EEFSEC: variants seen among roughly 807,000 people sequenced by gnomAD.
EEFSEC encodes selenocysteine-specific elongation factor.
A neutral mutation model predicts 42.1 loss-of-function variants in EEFSEC; 43 were observed. The ratio of observed to expected loss-of-function variants is 1.02; its 90% CI spans 0.80 to 1.32. EEFSEC has a LOEUF of 1.32. EEFSEC is among the 40% of genes most tolerant of loss of function. EEFSEC has a pLI of 0.00. For synonymous variants in EEFSEC, 354 were observed against 339.1 expected, an observed-to-expected ratio of 1.04 and a Z score of -0.48; for missense variants, 745 against 803.6, an observed-to-expected ratio of 0.93 and a Z score of 0.88.
intron 1 of EEFSEC, among the ~76,000 whole-genome samples, chr3:128,171,028 G>A (rs2065290484): frequency 6.6e-6 from 1 of 152,158 alleles, no homozygotes. Context: ...ACATCTCCCA[G>A]CCCTGGAGAC....
intron 1 of EEFSEC, among the ~76,000 whole-genome samples, chr3:128,220,783 G>C (rs145674070): frequency 6.6e-6 from 1 of 152,190 alleles, no homozygotes; most frequent in Non-Finnish European, 1.5e-5. Context: ...CAACAGACCC[G>C]GCTTCAAGCC....
chr3:128,154,058 TA>T (rs376181797), intron 1 of EEFSEC: 74,025 of 287,316 alleles, frequency 0.26, 2,267 homozygotes, highest in African/African-American at 0.28. Context: ...GCGCCTTCCT[TA>T]AAAAAAAAAA....
chr3:128,195,369 G>A (rs2065573682), intron 1 of EEFSEC, among the ~76,000 whole-genome samples: 1 of 152,190 alleles, frequency 6.6e-6, no homozygotes, highest in Non-Finnish European at 1.5e-5. Context: ...TGGCAATGGA[G>A]GGGGCAAGTT....
At chr3:128,154,488 C>T (rs1365142620) in intron 1 of EEFSEC, among the ~76,000 whole-genome samples, 2 of 151,160 alleles carry the variant, frequency 1.3e-5, no homozygotes, top group African/African-American at 2.4e-5. Flanking sequence ...CTTGTTCTGT[C>T]GCCCAGCCTG....
chr3:128,180,873 A>AG (rs2065398221), intron 1 of EEFSEC, among the ~76,000 whole-genome samples: 1 of 152,260 alleles, frequency 6.6e-6, no homozygotes, highest in Non-Finnish European at 1.5e-5. Flanking sequence ...ATTTAAAAAA[A>AG]GGGGGCTAAT....
chr3:128,273,170 G>T (rs1047786268), intron 4 of EEFSEC, among the ~76,000 whole-genome samples: 1 of 152,180 alleles, frequency 6.6e-6, no homozygotes, highest in African/African-American at 2.4e-5. Context: ...CTTGGGGTGG[G>T]GTGGTCTGAG....
At position 128,153,492 on chromosome 3, in the gene EEFSEC, AGGC is replaced by A. The variant is rs534678215; in HGVS notation, c.-3_-1del. On this transcript the variant is annotated 5_prime_UTR_variant, in exon 1 of 7. Coordinates refer to ENST00000254730, the MANE Select transcript of EEFSEC (RefSeq NM_021937.5). ...GAGGGGCGGGCCGGGCGGGTGTCCG[AGGC>A]GGCGGCGGCGGCATGGCAGGGCGGC... 5.1e-5 allele frequency: 75 copies of A among 1,475,862 alleles called. No individual in the cohort carries two copies. The highest frequency in any genetic ancestry group is 1.4e-4 in the East Asian group (5 of 35,812). 91.4% of individuals were successfully genotyped at this position (1,475,862 alleles called of 1,614,324 possible).
chr3:128,221,500 C>A (rs1352915700), intron 1 of EEFSEC, among the ~76,000 whole-genome samples: 1 of 152,182 alleles, frequency 6.6e-6, no homozygotes, highest in East Asian at 1.9e-4. Context: ...CAGATGCAGG[C>A]CTCATATCTT....
At chr3:128,374,171 C>T (rs941263973) in intron 6 of EEFSEC, among the ~76,000 whole-genome samples, 3 of 152,224 alleles carry the variant, frequency 2.0e-5, no homozygotes, top group Non-Finnish European at 4.4e-5. Context: ...TGAAGATGCA[C>T]CATCGGTGCC....
At chr3:128,312,896 G>C (rs2066905443) in intron 4 of EEFSEC, among the ~76,000 whole-genome samples, 1 of 152,206 alleles carries the variant, frequency 6.6e-6, no homozygotes, top group African/African-American at 2.4e-5. Flanking sequence ...TAAACTTCTA[G>C]AAAGAGATAG....
intron 4 of EEFSEC, among the ~76,000 whole-genome samples, chr3:128,329,789 C>A (rs1559923077): frequency 6.6e-6 from 1 of 152,230 alleles, no homozygotes. Context: ...GGGAGCCACA[C>A]ATAGGAGGGA....
At chr3:128,186,972 C>T (rs943148508) in intron 1 of EEFSEC, among the ~76,000 whole-genome samples, 1 of 152,166 alleles carries the variant, frequency 6.6e-6, no homozygotes, top group Middle Eastern at 3.2e-3. Context: ...ACCCTAGGGA[C>T]AGTGTCTGAG....
At chr3:128,347,050 G>T (rs754171606) in intron 5 of EEFSEC, among the ~76,000 whole-genome samples, 4 of 152,204 alleles carry the variant, frequency 2.6e-5, no homozygotes, top group African/African-American at 9.6e-5. Flanking sequence ...CGAGGAAAAT[G>T]CTAATAATTA....
chr3:128,410,197 T>C (rs59810826), downstream of EEFSEC, among the ~76,000 whole-genome samples: 40,782 of 152,124 alleles, frequency 0.27, 10,468 homozygotes, highest in African/African-American at 0.67. Context: ...AAGGACTCAC[T>C]TCTTAGGCGA....
chr3:128,399,026 G>A (rs1490831524), intron 6 of EEFSEC, among the ~76,000 whole-genome samples: 1 of 151,940 alleles, frequency 6.6e-6, no homozygotes, highest in Non-Finnish European at 1.5e-5. Flanking sequence ...GAGACTCAGG[G>A]CCAAGTCATT....
chr3:128,327,298 C>G (rs543379839), intron 4 of EEFSEC, among the ~76,000 whole-genome samples: 6 of 150,186 alleles, frequency 4.0e-5, no homozygotes, highest in Non-Finnish European at 8.9e-5. Flanking sequence ...CCATCCCCCC[C>G]CCCCCAAGGT....
intron 1 of EEFSEC, among the ~76,000 whole-genome samples, chr3:128,220,668 A>C (rs1011756603): frequency 1.3e-5 from 2 of 152,040 alleles, no homozygotes; most frequent in Non-Finnish European, 2.9e-5. Flanking sequence ...TAAGGCCCTG[A>C]CTATGTGCCT....
chr3:128,319,032 TC>T (rs968795458), intron 4 of EEFSEC, among the ~76,000 whole-genome samples: 2 of 152,226 alleles, frequency 1.3e-5, no homozygotes, highest in Non-Finnish European at 2.9e-5. Flanking sequence ...ACATGAAGTT[TC>T]TGCCCTTTTG....
intron 4 of EEFSEC, among the ~76,000 whole-genome samples, chr3:128,311,334 A>G (rs2066887743): frequency 6.6e-6 from 1 of 152,256 alleles, no homozygotes; most frequent in Non-Finnish European, 1.5e-5. Context: ...ATTTTACTAC[A>G]GAGGAGAGAA....
Sources: gnomAD v4.1 joint callset for allele counts (sites outside exome capture counted in the v4.1 genomes callset) on GRCh38, gnomAD v4.1.1 for gene constraint, MANE v1.5 for transcripts, NCBI Gene and HGNC (gene_info 2026-07-23, HGNC 2026-07-21) for gene names.